Variants in ATP5PB observed in about 807,000 individuals in gnomAD.
The protein encoded by ATP5PB is ATP synthase peripheral stalk subunit b, mitochondrial.
ATP5PB carries 21 observed loss-of-function variants against 34.5 expected under a neutral mutation model. The observed-to-expected ratio is 0.61, with a 90% CI of 0.43 to 0.88. The LOEUF is 0.88. ATP5PB is among the 40% of genes least tolerant of loss of function. The probability of loss-of-function intolerance (pLI) is 0.00; values close to 1 mark genes in which losing one functional copy is unlikely to be tolerated. For synonymous variants in ATP5PB, 108 were observed against 114.1 expected (o/e 0.95, Z 0.34); for missense variants, 293 against 317.4 (o/e 0.92, Z 0.58).
chr1:111,449,552 G>A lies in ATP5PB; in HGVS notation c.11G>A (p.Arg4Gln). The A allele has an allele frequency of 1.2e-6, 2 of 1,611,588 alleles. No individual in the cohort carries two copies. Among genetic ancestry groups the A allele is most frequent in the Admixed American group, 1.7e-5 (1 of 59,704 alleles). The change falls in exon 1 of 7, where the codon CGG (arginine) becomes CAG (glutamine). Residue 4 changes from arginine to glutamine, a missense_variant. Transcript: ENST00000369722. ...GGACTTTCGTTGACCATGCTGTCCC[G>A]GGTGGTACTTTCCGCCGCCGCCACA... MLS[R>Q]VVLSAAATAA...
chr1:111,456,259 A>G lies in ATP5PB; in HGVS notation c.387+10A>G, dbSNP rs373086502. 2.0e-5 allele frequency: 31 copies of G among 1,563,680 alleles called. No individual in the cohort carries two copies. Among genetic ancestry groups the G allele is most frequent in the Non-Finnish European group, 2.5e-5 (29 of 1,157,414 alleles). On this transcript the variant is annotated intron_variant, in intron 4 of 6. Coordinates refer to ENST00000369722, the MANE Select transcript of ATP5PB (RefSeq NM_001688.5). ...TGATAAACTCAATGAGGTAAGAACC[A>G]TAAACTTTATTTCCTATTTTAGACT...
rs754600948 is a variant in ATP5PB, at chr1:111,449,551, C to A, written c.10C>A (p.Arg4=). Residue 4 remains arginine, a synonymous_variant, in exon 1 of 7, where the codon CGG becomes AGG. Transcript: ENST00000369722. ...TGGACTTTCGTTGACCATGCTGTCC[C>A]GGGTGGTACTTTCCGCCGCCGCCAC... MLS[R]VVLSAAATAA... The A allele has an allele frequency of 6.2e-7, 1 of 1,611,538 alleles. No individual in the cohort carries two copies. The highest frequency in any genetic ancestry group is 1.7e-5 in the Admixed American group (1 of 59,714).
intron 2 of ATP5PB, among the ~76,000 whole-genome samples, chr1:111,451,745 T>A (rs1448772950): frequency 6.6e-6 from 1 of 152,090 alleles, no homozygotes; most frequent in Non-Finnish European, 1.5e-5. Context: ...GCAATTTTTT[T>A]GTGGTGTTTC....
At chr1:111,456,324 G>T in intron 4 of ATP5PB, 75 bp downstream of exon 4, 1 of 1,403,474 alleles carries the variant, frequency 7.1e-7, no homozygotes, top group Non-Finnish European at 9.6e-7. Flanking sequence ...TTTTTGATAT[G>T]AGTGTTAGGG....
chr1:111,454,126 CCTATT>C (rs1653404304), intron 2 of ATP5PB, 80 bp from the exon 3 acceptor site: 18 of 1,347,434 alleles, frequency 1.3e-5, no homozygotes, highest in Non-Finnish European at 1.7e-5. Context: ...AATTATCAAC[CCTATT>C]TATTGTTTCT....
At position 111,459,554 on chromosome 1, in the gene ATP5PB, A is replaced by C; in HGVS notation, c.611A>C (p.Gln204Pro). The C allele has an allele frequency of 6.2e-7, 1 of 1,614,004 alleles. No individual in the cohort carries two copies. The highest frequency in any genetic ancestry group is 8.5e-7 in the Non-Finnish European group (1 of 1,179,860). The change falls in exon 6 of 7, where the codon CAG (glutamine) becomes CCG (proline). Residue 204 changes from glutamine (Q) to proline (P), a missense_variant. Coordinates refer to ENST00000369722, the MANE Select transcript of ATP5PB (RefSeq NM_001688.5). ...KNRLDYHISV[Q>P]NMMRRKEQEH... ...CGCCTGGACTATCATATATCTGTGCAGAACATGATGCGTCGAAAGGAACAA... is the reference window on the plus strand; with the variant it reads ...CGCCTGGACTATCATATATCTGTGCCGAACATGATGCGTCGAAAGGAACAA...
chr1:111,450,448 G>A (rs951638134), intron 2 of ATP5PB, among the ~76,000 whole-genome samples: 3 of 152,148 alleles, frequency 2.0e-5, no homozygotes, highest in Admixed American at 2.0e-4. Context: ...TTAGAGTGAG[G>A]GCTCCACAGC....
intron 3 of ATP5PB, among the ~76,000 whole-genome samples, chr1:111,455,212 A>G (rs1653439051): frequency 6.6e-6 from 1 of 152,146 alleles, no homozygotes; most frequent in Non-Finnish European, 1.5e-5. Context: ...AAATTGCTAG[A>G]AACATTAGTC....
At chr1:111,452,453 C>G (rs895591635) in intron 2 of ATP5PB, among the ~76,000 whole-genome samples, 1 of 152,114 alleles carries the variant, frequency 6.6e-6, no homozygotes, top group Non-Finnish European at 1.5e-5. Flanking sequence ...ATCCCAGCTA[C>G]TCAGCTACTC....
chr1:111,449,766 C>G, intron 1 of ATP5PB, 71 bp from the exon 2 acceptor site: 1 of 1,608,314 alleles, frequency 6.2e-7, no homozygotes, highest in Non-Finnish European at 8.5e-7. Context: ...GTGATAGAGC[C>G]TGGCGGGGGT....
At chr1:111,456,275 A>G in intron 4 of ATP5PB, 26 bp downstream of exon 4, 9 of 1,543,048 alleles carry the variant, frequency 5.8e-6, no homozygotes, top group East Asian at 2.3e-5. Flanking sequence ...TTTATTTCCT[A>G]TTTTAGACTA....
chr1:111,458,870 C>T (rs1171341539), intron 5 of ATP5PB, among the ~76,000 whole-genome samples: 1 of 152,084 alleles, frequency 6.6e-6, no homozygotes, highest in Non-Finnish European at 1.5e-5. Flanking sequence ...CCTCAGTTTC[C>T]TCACTGCAAA....
intron 2 of ATP5PB, among the ~76,000 whole-genome samples, chr1:111,452,722 C>T (rs1653368650): frequency 6.6e-6 from 1 of 152,128 alleles, no homozygotes; most frequent in Non-Finnish European, 1.5e-5. Context: ...TGCTTCTTAG[C>T]CTGGGGTGGT....
rs898604417 is a variant in ATP5PB at position 111,449,503 on chromosome 1, A to G, written c.-39A>G. 6.2e-6 allele frequency: 10 copies of G among 1,614,096 alleles called. No individual in the cohort carries two copies. The highest frequency in any genetic ancestry group is 1.7e-5 in the Admixed American group (1 of 60,004). ...CCTGACAGATTCTCCTATCGGGGTCACAGGGACGCTAAGATTGCTACCTGG... is the reference window on the plus strand; with the variant it reads ...CCTGACAGATTCTCCTATCGGGGTCGCAGGGACGCTAAGATTGCTACCTGG... On this transcript the variant is annotated 5_prime_UTR_variant, in exon 1 of 7. Transcript: ENST00000369722.
Position 111,456,687 on chromosome 1 carries a change from G to A in ATP5PB, c.445G>A (p.Ala149Thr), listed in dbSNP as rs764057361. 2.5e-6 allele frequency: 4 copies of A among 1,613,568 alleles called. No individual in the cohort carries two copies. The highest frequency in any genetic ancestry group is 3.4e-6 in the Non-Finnish European group (4 of 1,179,850). The change falls in exon 5 of 7, where the codon GCA (alanine) becomes ACA (threonine). Residue 149 changes from alanine to threonine, a missense_variant. Coordinates refer to ENST00000369722, the MANE Select transcript of ATP5PB (RefSeq NM_001688.5). ...KQASIQHIQN[A>T]IDTEKSQQAL... The stretch of plus-strand genomic sequence containing the variant: ...GGCTTCCATCCAACACATCCAGAAT[G>A]CAATTGATACGGAGAAGTCACAACA...
chr1:111,460,345 T>C (rs1317072426), intron 6 of ATP5PB, among the ~76,000 whole-genome samples: 1 of 152,130 alleles, frequency 6.6e-6, no homozygotes, highest in East Asian at 1.9e-4. Context: ...TGACTTGATT[T>C]TTTTTTTCTT....
chr1:111,449,996 A>G lies in ATP5PB; in HGVS notation c.77+123A>G, dbSNP rs889289099. 4 of 1,250,798 alleles carry G rather than the reference A, an allele frequency of 3.2e-6. No homozygotes were observed. In the African/African-American group the frequency reaches 5.9e-5, roughly 19 times the overall value. The allele number at this position is 1,250,798 out of a possible 1,614,324, so 77.5% of individuals were successfully genotyped here. On this transcript the variant is annotated intron_variant, in intron 2 of 6. Coordinates refer to ENST00000369722, the MANE Select transcript of ATP5PB (RefSeq NM_001688.5). ...TTTCCGATAATTTTGGGACACTTAA[A>G]CCCTCTTTCAGACAAGACACTTGTT...
chr1:111,450,602 C>T (rs1264897), intron 2 of ATP5PB, among the ~76,000 whole-genome samples: 74,526 of 152,050 alleles, frequency 0.49, 19,565 homozygotes, highest in East Asian at 0.74. Context: ...TGGTACATAG[C>T]GTGTGCTTAG....
At chr1:111,457,280 T>C (rs1653498546) in intron 5 of ATP5PB, among the ~76,000 whole-genome samples, 1 of 150,486 alleles carries the variant, frequency 6.6e-6, no homozygotes, top group South Asian at 2.1e-4. Flanking sequence ...ACCACTGCAC[T>C]TCAGCCTAGG....
Sources: allele counts gnomAD v4.1 joint callset (sites outside exome capture counted in the v4.1 genomes callset), GRCh38; gene constraint gnomAD v4.1.1; transcripts MANE v1.5; gene names NCBI Gene and HGNC (gene_info 2026-07-23, HGNC 2026-07-21).